CAPZB: variants seen among roughly 807,000 people sequenced by gnomAD.
CAPZB encodes capping actin protein of muscle Z-line subunit beta.
In CAPZB, 2 loss-of-function variants were observed where a neutral mutation model predicts 38.1. The observed-to-expected ratio is 0.05, with a 90% CI of 0.02 to 0.17. The LOEUF (loss-of-function observed/expected upper bound fraction) is 0.17, where lower values mean the gene tolerates loss of function less well. CAPZB is among the 10% of genes least tolerant of loss of function. The pLI, the probability that CAPZB is intolerant of heterozygous loss-of-function variation, is 1.00. For synonymous variants in CAPZB, 107 were observed against 127.4 expected (o/e 0.84, Z 1.08); for missense variants, 161 against 334.2 (o/e 0.48, Z 4.04).
chr1:19,446,386 A>T (rs2094496071), intron 1 of CAPZB, among the ~76,000 whole-genome samples: 1 of 152,256 alleles, frequency 6.6e-6, no homozygotes, highest in African/African-American at 2.4e-5. Flanking sequence ...ACAGTGAGCC[A>T]TGTAAGAAGT....
At chr1:19,471,865 CAAAAAAAAAA>C (rs59289947) in intron 1 of CAPZB, among the ~76,000 whole-genome samples, 4 of 134,482 alleles carry the variant, frequency 3.0e-5, no homozygotes, top group African/African-American at 1.2e-4. Context: ...GACTCCGTCT[CAAAAAAAAAA>C]AAAAAAAAAA....
chr1:19,446,766 G>T (rs1353158812), intron 1 of CAPZB, among the ~76,000 whole-genome samples: 1 of 152,152 alleles, frequency 6.6e-6, no homozygotes, highest in African/African-American at 2.4e-5. Context: ...TTACTATCAA[G>T]TGAGTAAAAA....
intron 1 of CAPZB, among the ~76,000 whole-genome samples, chr1:19,476,175 GATAGATAGATAGA>G (rs1558296410): frequency 3.0e-4 from 6 of 19,958 alleles, no homozygotes; most frequent in African/African-American, 1.3e-3. Context: ...TAAGTAGATA[GATAGATAGATAGA>G]TAGATAGATA....
intron 4 of CAPZB, among the ~76,000 whole-genome samples, chr1:19,366,396 A>C (rs1314940944): frequency 1.3e-5 from 2 of 151,160 alleles, no homozygotes; most frequent in Admixed American, 6.6e-5. Context: ...CATGAGTTCA[A>C]ACAAACTCCT....
intron 6 of CAPZB, among the ~76,000 whole-genome samples, chr1:19,354,478 G>A (rs184068293): frequency 6.6e-6 from 1 of 152,292 alleles, no homozygotes; most frequent in East Asian, 1.9e-4. Flanking sequence ...CAGCTTTAAT[G>A]CACCTCAAAT....
At chr1:19,387,057 G>A (rs2100219611) in intron 2 of CAPZB, among the ~76,000 whole-genome samples, 1 of 147,464 alleles carries the variant, frequency 6.8e-6, no homozygotes, top group African/African-American at 2.5e-5. Context: ...ATTTCCATGT[G>A]CCTGCCATGC....
At chr1:19,362,332 G>A (rs2094057920) in intron 4 of CAPZB, among the ~76,000 whole-genome samples, 1 of 152,186 alleles carries the variant, frequency 6.6e-6, no homozygotes, top group Non-Finnish European at 1.5e-5. Flanking sequence ...CACTTCCCGG[G>A]TTCAAGTGAT....
intron 1 of CAPZB, among the ~76,000 whole-genome samples, chr1:19,465,723 T>C (rs1396214439): frequency 6.6e-6 from 1 of 152,118 alleles, no homozygotes. Context: ...TAGAAAACCA[T>C]CTATCTCCTC....
At chr1:19,457,062 T>A (rs1410749378) in intron 1 of CAPZB, among the ~76,000 whole-genome samples, 1 of 152,112 alleles carries the variant, frequency 6.6e-6, no homozygotes, top group Non-Finnish European at 1.5e-5. Flanking sequence ...AGGCAGGAAG[T>A]TCCAGAAAAA....
intron 2 of CAPZB, chr1:19,385,929 A>T (rs913153417): frequency 2.2e-6 from 1 of 458,390 alleles, no homozygotes; most frequent in African/African-American, 2.0e-5. Context: ...TTAAGTGTGT[A>T]TGTGCTTGGT....
In CAPZB at chr1:19,385,490, G is replaced by A. The variant is rs770655047; in HGVS notation, c.215+15C>T. ...TGCCTGCTGTGCCTGCTGCATCCCC[G>A]GGGCATGAGCTCACCTATAGGAGTC... is the stretch of plus-strand genomic sequence containing the variant. On this transcript the variant is annotated intron_variant, in intron 3 of 8. Coordinates refer to ENST00000264202, the MANE Select transcript of CAPZB (RefSeq NM_004930.5). 59 of 1,611,662 alleles carry A rather than the reference G, an allele frequency of 3.7e-5. No homozygotes were observed. The highest frequency in any genetic ancestry group is 7.7e-5 in the South Asian group (7 of 90,994).
At chr1:19,441,878 G>A (rs1206993989) in intron 1 of CAPZB, among the ~76,000 whole-genome samples, 1 of 151,938 alleles carries the variant, frequency 6.6e-6, no homozygotes, top group African/African-American at 2.4e-5. Flanking sequence ...CGTGGTGGTG[G>A]ATGCCTTGTA....
At chr1:19,449,892 G>A (rs934835308) in intron 1 of CAPZB, among the ~76,000 whole-genome samples, 1 of 151,730 alleles carries the variant, frequency 6.6e-6, no homozygotes, top group Non-Finnish European at 1.5e-5. Flanking sequence ...TGTTATCCCA[G>A]CACTTTGAGG....
rs2094640591 is a variant in CAPZB at position 19,484,009 on chromosome 1, G to C, written c.3+1427C>G. The stretch of plus-strand genomic sequence containing the variant: ...TGATCCTGTCAGGAAGAAGTTCTCT[G>C]GCCCTTCCAACCTAAGTGCTGGGCC... On this transcript the variant is annotated intron_variant, in intron 1 of 8. Coordinates refer to ENST00000264202, the MANE Select transcript of CAPZB (RefSeq NM_004930.5). 1.3e-5 allele frequency among the ~76,000 whole-genome samples: 2 copies of C among 152,184 alleles called. 1 individual carries two copies. Among genetic ancestry groups the C allele is most frequent in the South Asian group, 4.1e-4 (2 of 4,826 alleles).
chr1:19,364,682 C>T lies in CAPZB; in HGVS notation c.330-7119G>A, dbSNP rs190867112. 2.1e-3 allele frequency among the ~76,000 whole-genome samples: 313 copies of T among 152,272 alleles called. 2 individuals carry two copies. In the South Asian group the frequency reaches 0.026, roughly 13 times the overall value. ...AAAAGAACAGAAAACAATGCCCCAA[C>T]TAAGTGTTAACCAATGCATAGCAGG... On this transcript the variant is annotated intron_variant, in intron 4 of 8. Transcript: ENST00000264202.
intron 2 of CAPZB, among the ~76,000 whole-genome samples, chr1:19,393,686 G>A (rs2094250378): frequency 6.6e-6 from 1 of 152,272 alleles, no homozygotes; most frequent in African/African-American, 2.4e-5. Flanking sequence ...ATGGGACTGT[G>A]AGGACCAAAG....
At chr1:19,466,767 A>G (rs1231668300) in intron 1 of CAPZB, among the ~76,000 whole-genome samples, 2 of 152,250 alleles carry the variant, frequency 1.3e-5, no homozygotes, top group African/African-American at 2.4e-5. Context: ...TTTAGAGAGC[A>G]TATGGATGAA....
At chr1:19,438,543 A>C (rs2094465575) in intron 1 of CAPZB, among the ~76,000 whole-genome samples, 1 of 152,192 alleles carries the variant, frequency 6.6e-6, no homozygotes, top group African/African-American at 2.4e-5. Context: ...AGTGCCGAGG[A>C]GTGGACCAAG....
At chr1:19,380,115 G>C (rs1055590376) in intron 3 of CAPZB, among the ~76,000 whole-genome samples, 1 of 152,184 alleles carries the variant, frequency 6.6e-6, no homozygotes, top group African/African-American at 2.4e-5. Flanking sequence ...TACGTCAGTA[G>C]ATCATGGAGT....
Sources: allele counts gnomAD v4.1 joint callset (sites outside exome capture counted in the v4.1 genomes callset), GRCh38; gene constraint gnomAD v4.1.1; transcripts MANE v1.5; gene names NCBI Gene and HGNC (gene_info 2026-07-23, HGNC 2026-07-21).